The following PIK3C2G variants were observed in gnomAD, a reference collection of about 807,000 sequenced individuals.
PIK3C2G encodes the protein phosphatidylinositol-4-phosphate 3-kinase catalytic subunit type 2 gamma, also known as phosphatidylinositol 3-kinase C2 domain-containing subunit gamma.
A neutral mutation model predicts 181.1 loss-of-function variants in PIK3C2G; 168 were observed. The ratio of observed to expected loss-of-function variants is 0.93; its 90% CI spans 0.82 to 1.05. The LOEUF (loss-of-function observed/expected upper bound fraction) is 1.05. Ranked by LOEUF, PIK3C2G falls within the 50% of genes least tolerant of loss-of-function variation. The pLI is 0.00. For synonymous variants in PIK3C2G, 573 were observed against 592.2 expected, an observed-to-expected ratio of 0.97 and a Z score of 0.47; for missense variants, 1,869 against 1,732.8, an observed-to-expected ratio of 1.08 and a Z score of -1.40.
At chr12:18,334,117 T>C (rs1048146417) in intron 8 of PIK3C2G, among the ~76,000 whole-genome samples, 22 of 152,290 alleles carry the variant, frequency 1.4e-4, no homozygotes, top group African/African-American at 5.3e-4. Context: ...CATAGTGCTG[T>C]TTTCAGTTTT....
the PIK3C2G span, among the ~76,000 whole-genome samples, chr12:18,668,998 C>T: frequency 2.6e-5 from 4 of 151,994 alleles, no homozygotes; most frequent in African/African-American, 7.3e-5. Context: ...TAATTTCCCC[C>T]GCTGAGCAAA....
At chr12:18,649,062 C>T (rs751772602), downstream of PIK3C2G, among the ~76,000 whole-genome samples, 7 of 151,980 alleles carry the variant, frequency 4.6e-5, no homozygotes, top group South Asian at 2.1e-4. Context: ...ATTTGAAATA[C>T]GTGATCATGC....
rs1237406537 is a variant in PIK3C2G at position 18,593,000 on chromosome 12, G to C, written c.4012-1494G>C. Among the ~76,000 whole-genome samples, 3 of 151,914 alleles carry C rather than the reference G, an allele frequency of 2.0e-5. No individual in the cohort carries two copies. The East Asian group carries it at 5.8e-4, about 29-fold the overall frequency. On this transcript the variant is annotated intron_variant, in intron 29 of 32. Transcript: ENST00000538779. ...TGATATAAAGATGTCTGTAGGGTTG[G>C]TTCCTTCTGATGGCTATGAGGAAAG...
chr12:18,713,337 G>C, the PIK3C2G span, among the ~76,000 whole-genome samples: 1 of 152,132 alleles, frequency 6.6e-6, no homozygotes, highest in Middle Eastern at 3.4e-3. Flanking sequence ...TTTTACTTAT[G>C]GTGGCATTTA....
intron 5 of PIK3C2G, among the ~76,000 whole-genome samples, chr12:18,308,549 C>T (rs1338848928): frequency 1.3e-5 from 2 of 150,758 alleles, no homozygotes; most frequent in Non-Finnish European, 3.0e-5. Flanking sequence ...TCTATCTCTG[C>T]TTGCTTGACT....
At chr12:18,301,968 T>C (rs945017938) in intron 5 of PIK3C2G, among the ~76,000 whole-genome samples, 3 of 152,198 alleles carry the variant, frequency 2.0e-5, no homozygotes, top group Admixed American at 2.0e-4. Flanking sequence ...TTCCTTTAGC[T>C]GTAATCAGCA....
At chr12:18,636,368 A>T (rs1949603283) in intron 31 of PIK3C2G, among the ~76,000 whole-genome samples, 1 of 152,080 alleles carries the variant, frequency 6.6e-6, no homozygotes, top group African/African-American at 2.4e-5. Context: ...AGCAGCTGGG[A>T]TTACAAGGCA....
chr12:18,527,832 T>C lies in PIK3C2G; in HGVS notation c.3324-10324T>C, dbSNP rs1346337414. On this transcript the variant is annotated intron_variant, in intron 24 of 32. Transcript: ENST00000538779. ...AGTTGTTTTAATCACCCTTATCAAA[T>C]AAGAGAGATGCTGTATTTGAGCCTG... Among the ~76,000 whole-genome samples the C allele has an allele frequency of 4.6e-5, 7 of 152,118 alleles. No individual in the cohort carries two copies. In the East Asian group the frequency reaches 1.4e-3, roughly 29 times the overall value.
chr12:18,495,531 A>C (rs575844718), intron 20 of PIK3C2G, among the ~76,000 whole-genome samples: 1 of 152,280 alleles, frequency 6.6e-6, no homozygotes, highest in South Asian at 2.1e-4. Context: ...TATATCCGTT[A>C]GTTCCTGAAT....
At chr12:18,661,620 T>C in the PIK3C2G span, among the ~76,000 whole-genome samples, 61 of 152,234 alleles carry the variant, frequency 4.0e-4, no homozygotes, top group African/African-American at 1.4e-3. Flanking sequence ...CCAGTCAGAA[T>C]GGCTATTATT....
the PIK3C2G span, among the ~76,000 whole-genome samples, chr12:18,682,913 A>G: frequency 1.3e-5 from 2 of 152,072 alleles, no homozygotes; most frequent in Non-Finnish European, 2.9e-5. Context: ...ATATTTGCCA[A>G]TGTATATTTT....
intron 31 of PIK3C2G, among the ~76,000 whole-genome samples, chr12:18,626,793 G>A (rs1949118967): frequency 6.6e-6 from 1 of 151,820 alleles, no homozygotes; most frequent in South Asian, 2.1e-4. Flanking sequence ...GTTGTATTGG[G>A]ACTCCTTTTG....
At chr12:18,446,397 C>T (rs1947031491) in intron 18 of PIK3C2G, among the ~76,000 whole-genome samples, 1 of 152,140 alleles carries the variant, frequency 6.6e-6, no homozygotes, top group African/African-American at 2.4e-5. Flanking sequence ...TATGTATTCT[C>T]TGCCTCCCTA....
the PIK3C2G span, among the ~76,000 whole-genome samples, chr12:18,703,344 T>C: frequency 2.0e-5 from 3 of 152,150 alleles, no homozygotes. Flanking sequence ...CACTTGAAAA[T>C]TTTTCACTGA....
At chr12:18,578,485 TC>T in intron 29 of PIK3C2G, among the ~76,000 whole-genome samples, 1 of 152,334 alleles carries the variant, frequency 6.6e-6, no homozygotes, top group East Asian at 1.9e-4. Flanking sequence ...ATTTTAACTA[TC>T]TGCAAGTAAG....
chr12:18,257,765 AAAG>A (rs201509945), upstream of PIK3C2G, among the ~76,000 whole-genome samples: 1,448 of 148,208 alleles, frequency 9.8e-3, 31 homozygotes, highest in African/African-American at 0.032. Flanking sequence ...GGGAGGAAAA[AAAG>A]AAGAAGAAAA....
chr12:18,608,957 G>A (rs1042929051), intron 30 of PIK3C2G, among the ~76,000 whole-genome samples: 2 of 152,082 alleles, frequency 1.3e-5, no homozygotes, highest in Non-Finnish European at 2.9e-5. Context: ...ACGTTTATAT[G>A]AGTTTGAATT....
chr12:18,502,314 T>G (rs1941545171), intron 22 of PIK3C2G, among the ~76,000 whole-genome samples: 1 of 152,212 alleles, frequency 6.6e-6, no homozygotes, highest in African/African-American at 2.4e-5. Context: ...TTAATTTGAA[T>G]GCTTTTTAGG....
Position 18,588,481 on chromosome 12 carries a change from G to A in PIK3C2G, c.4012-6013G>A, listed in dbSNP as rs981527370. On this transcript the variant is annotated intron_variant, in intron 29 of 32. Transcript: ENST00000538779. ...AAGAAGACATACATGTAGCCAAGAA[G>A]CATAGGAAAAATTACTCATATCACT... Among the ~76,000 whole-genome samples the A allele has an allele frequency of 5.3e-5, 8 of 151,950 alleles. No individual in the cohort carries two copies. The South Asian group carries it at 6.2e-4, about 12-fold the overall frequency.
Sources: gnomAD v4.1 joint callset for allele counts (sites outside exome capture counted in the v4.1 genomes callset) on GRCh38, gnomAD v4.1.1 for gene constraint, MANE v1.5 for transcripts, NCBI Gene and HGNC (gene_info 2026-07-23, HGNC 2026-07-21) for gene names.